MYRFL: variants seen among roughly 807,000 people sequenced by gnomAD.
MYRFL encodes myelin regulatory factor-like protein.
MYRFL carries 88 observed loss-of-function variants against 109.4 expected under a neutral mutation model. The ratio of observed to expected loss-of-function variants is 0.80; its 90% CI spans 0.68 to 0.96. The LOEUF (loss-of-function observed/expected upper bound fraction) is 0.96, where lower values mean the gene tolerates loss of function less well. Among genes scored for constraint, MYRFL ranks in the 40% least tolerant of loss-of-function variants. MYRFL has a pLI of 0.00. For synonymous variants in MYRFL, 324 were observed against 320.9 expected (o/e 1.01, Z -0.10); for missense variants, 957 against 954.9 (o/e 1.00, Z -0.03).
In MYRFL at chr12:69,958,268, G is replaced by T; in HGVS notation, c.2591G>T (p.Ser864Ile). 1.3e-6 allele frequency: 2 copies of T among 1,536,348 alleles called. No homozygotes were observed. Among genetic ancestry groups the T allele is most frequent in the Admixed American group, 2.0e-5 (1 of 50,982 alleles). ...ATTTAGGGATATCAGCACATTTGGA[G>T]CCTCCCTGTAGCCCCATTTTCTGAC... Reference protein sequence around the residue: ...EMTQGYQHIWSLPVAPFSDSM... With the variant: ...EMTQGYQHIWILPVAPFSDSM... The change falls in exon 24 of 25, where the codon AGC becomes ATC. Residue 864 changes from serine to isoleucine, a missense_variant. Transcript: ENST00000552032.
chr12:69,902,617 A>G (rs11177952), intron 10 of MYRFL, among the ~76,000 whole-genome samples: 48,258 of 152,148 alleles, frequency 0.32, 7,957 homozygotes, highest in African/African-American at 0.36. Context: ...ACAACTGTTT[A>G]TCTAAAGTTG....
At chr12:69,837,520 T>C (rs1326392071) in intron 1 of MYRFL, among the ~76,000 whole-genome samples, 1 of 152,146 alleles carries the variant, frequency 6.6e-6, no homozygotes, top group Non-Finnish European at 1.5e-5. Flanking sequence ...CATGAACCAG[T>C]AGTAGATTCA....
chr12:69,956,825 CA>C (rs1235385742), intron 22 of MYRFL, among the ~76,000 whole-genome samples: 1 of 152,154 alleles, frequency 6.6e-6, no homozygotes, highest in Non-Finnish European at 1.5e-5. Context: ...CAAGGCAGAG[CA>C]AAAGCTAAAT....
chr12:69,847,894 CT>C (rs1318866755), intron 1 of MYRFL, among the ~76,000 whole-genome samples: 2 of 152,220 alleles, frequency 1.3e-5, no homozygotes, highest in African/African-American at 4.8e-5. Context: ...AATTTATAGA[CT>C]TTTTTTCTGT....
intron 13 of MYRFL, among the ~76,000 whole-genome samples, chr12:69,915,087 C>G (rs1954691615): frequency 6.6e-6 from 1 of 152,214 alleles, no homozygotes; most frequent in South Asian, 2.1e-4. Context: ...CAGAGCATCT[C>G]CTTTTTCTTT....
intron 21 of MYRFL, among the ~76,000 whole-genome samples, chr12:69,953,764 GAC>G (rs143170206): frequency 0.16 from 22,883 of 144,126 alleles, 2,107 homozygotes; most frequent in East Asian, 0.45. Context: ...GTGCAACCCG[GAC>G]ACACACACAC....
intron 19 of MYRFL, 106 bp from the exon 20 acceptor site, chr12:69,952,007 A>AG (rs1382165612): frequency 1.2e-6 from 1 of 845,384 alleles, no homozygotes; most frequent in African/African-American, 1.7e-5. Context: ...GGAGACAGAA[A>AG]GGGTGGGGGA....
At chr12:69,941,961 T>C (rs1955663043) in intron 19 of MYRFL, among the ~76,000 whole-genome samples, 1 of 150,764 alleles carries the variant, frequency 6.6e-6, no homozygotes, top group Non-Finnish European at 1.5e-5. Context: ...CCTGGACACA[T>C]ACACTCTCCC....
chr12:69,831,534 T>G (rs1882633244), intron 1 of MYRFL, among the ~76,000 whole-genome samples: 1 of 152,172 alleles, frequency 6.6e-6, no homozygotes, highest in Non-Finnish European at 1.5e-5. Flanking sequence ...TGACTACCTG[T>G]GGGACTATGG....
intron 2 of MYRFL, among the ~76,000 whole-genome samples, chr12:69,860,090 C>T (rs966521687): frequency 7.9e-5 from 12 of 152,112 alleles, no homozygotes; most frequent in Non-Finnish European, 1.6e-4. Context: ...TGATGCTCTC[C>T]ATCTGCCCCC....
At chr12:69,826,004 T>G (rs927752041) in intron 1 of MYRFL, among the ~76,000 whole-genome samples, 2 of 152,044 alleles carry the variant, frequency 1.3e-5, no homozygotes, top group African/African-American at 4.8e-5. Context: ...ATTTACAGAA[T>G]CTAGGGATCA....
rs1436889196 is a variant in MYRFL at position 69,903,718 on chromosome 12, C to T, written c.1257C>T (p.Val419=). 3.3e-6 allele frequency: 5 copies of T among 1,535,786 alleles called. No homozygotes were observed. The highest frequency in any genetic ancestry group is 2.0e-5 in the Admixed American group (1 of 50,980). The change falls in exon 11 of 25, where the codon GTC becomes GTT. Residue 419 remains valine (V), a synonymous_variant. Coordinates refer to ENST00000552032, the MANE Select transcript of MYRFL (RefSeq NM_182530.3). ...GAGGACAAGTTCCAGAATCTATTGT[C>T]TGTCACGGTCGAGTAGGAATCAACA... ...WQRGQVPESI[V]CHGRVGINTD...
rs532775167 is a variant in MYRFL, at chr12:69,913,541, G to A, written c.1602+2611G>A. On this transcript the variant is annotated intron_variant, in intron 13 of 24. Transcript: ENST00000552032. ...ATACCCAGTTTTCCTGGCACAATTT[G>A]TTGAAAAGACTGTCCTTTTCCCATT... 9.9e-5 allele frequency among the ~76,000 whole-genome samples: 15 copies of A among 152,212 alleles called. No individual in the cohort carries two copies. In the South Asian group the frequency reaches 2.5e-3, roughly 25 times the overall value.
chr12:69,933,105 T>C (rs1955321137), intron 16 of MYRFL, among the ~76,000 whole-genome samples: 1 of 152,196 alleles, frequency 6.6e-6, no homozygotes, highest in East Asian at 1.9e-4. Flanking sequence ...GTGATGGAAT[T>C]GTAGCCAAAT....
intron 2 of MYRFL, 101 bp from the exon 3 acceptor site, chr12:69,878,927 A>G (rs1885866621): frequency 5.8e-6 from 4 of 689,948 alleles, no homozygotes; most frequent in African/African-American, 1.8e-5. Flanking sequence ...ACCTGGAACC[A>G]TCACTGTGGG....
chr12:69,834,476 T>A (rs1412484307), intron 1 of MYRFL, among the ~76,000 whole-genome samples: 1 of 152,240 alleles, frequency 6.6e-6, no homozygotes. Context: ...CTTAGTTGTA[T>A]GACCTTTTAA....
rs957629209 is a variant in MYRFL, at chr12:69,936,475, C to T, written c.2067C>T (p.Thr689=). 103 of 1,535,724 alleles carry T rather than the reference C, an allele frequency of 6.7e-5. No individual in the cohort carries two copies. Among genetic ancestry groups the T allele is most frequent in the Non-Finnish European group, 8.8e-5 (101 of 1,146,734 alleles). The change falls in exon 19 of 25, where the codon ACC becomes ACT. Residue 689 remains threonine, a synonymous_variant. Coordinates refer to ENST00000552032, the MANE Select transcript of MYRFL (RefSeq NM_182530.3). ...SSSAPNTSLV[T]TPASLQVPEI... ...CAGCACCTAATACATCCCTGGTAAC[C>T]ACACCGGCCTCCTTACAAGTACCTG... is the stretch of plus-strand genomic sequence containing the variant.
chr12:69,874,306 T>TAGC (rs1270140228), intron 2 of MYRFL, among the ~76,000 whole-genome samples: 4 of 152,180 alleles, frequency 2.6e-5, no homozygotes, highest in Admixed American at 6.5e-5. Context: ...GCTTCCTGAG[T>TAGC]AGCTGGGAGC....
intron 2 of MYRFL, among the ~76,000 whole-genome samples, chr12:69,863,825 G>T (rs1837406633): frequency 6.6e-6 from 1 of 152,092 alleles, no homozygotes; most frequent in African/African-American, 2.4e-5. Flanking sequence ...ATTTCATTTA[G>T]AGCAGATTTG....
Sources: allele counts gnomAD v4.1 joint callset (sites outside exome capture counted in the v4.1 genomes callset), GRCh38; gene constraint gnomAD v4.1.1; transcripts MANE v1.5; gene names NCBI Gene and HGNC (gene_info 2026-07-23, HGNC 2026-07-21).